RNF212B: variants seen among roughly 807,000 people sequenced by gnomAD.
RNF212B encodes E3 ubiquitin-protein ligase RNF212B.
In RNF212B, 52 loss-of-function variants were observed where a neutral mutation model predicts 55.5. The observed-to-expected ratio is 0.94, with a 90% confidence interval of 0.75 to 1.18. The LOEUF is 1.18. RNF212B is among the 50% of genes most tolerant of loss of function. The pLI is 0.00. For synonymous variants in RNF212B, 99 were observed against 121.4 expected, an observed-to-expected ratio of 0.82 and a Z score of 1.21; for missense variants, 289 against 350.4, an observed-to-expected ratio of 0.82 and a Z score of 1.40.
Position 23,226,399 on chromosome 14 carries a change from G to A in RNF212B, c.-1-13946G>A, listed in dbSNP as rs553222445. The stretch of plus-strand genomic sequence containing the variant: ...TAATCCCAGCACTTTAGGAAGCTGT[G>A]GCGGGCGGATCACCAGGTCAGGAGA... On this transcript the variant is annotated intron_variant, in intron 2 of 15. Coordinates refer to the RNF212B transcript ENST00000399910. Among the ~76,000 whole-genome samples the A allele has an allele frequency of 4.6e-5, 7 of 151,258 alleles. No individual in the cohort carries two copies. The South Asian group carries it at 1.5e-3, about 31-fold the overall frequency.
intron 13 of RNF212B, 99 bp downstream of exon 13, chr14:23,270,059 C>G (rs1885966299): frequency 6.9e-6 from 5 of 729,866 alleles, no homozygotes; most frequent in African/African-American, 1.8e-5. Flanking sequence ...GGTTTGCCCC[C>G]CAAAGAGCAT....
At chr14:23,241,649 C>T (rs1883576167) in intron 2 of RNF212B, among the ~76,000 whole-genome samples, 1 of 151,944 alleles carries the variant, frequency 6.6e-6, no homozygotes, top group Non-Finnish European at 1.5e-5. Flanking sequence ...ATCTCGAACT[C>T]CCGGCCTCAA....
At chr14:23,187,486 C>G (rs913200081) in intron 1 of RNF212B, among the ~76,000 whole-genome samples, 1 of 152,150 alleles carries the variant, frequency 6.6e-6, no homozygotes, top group African/African-American at 2.4e-5. Flanking sequence ...GTAGCTGGGA[C>G]TACAGATGTG....
At chr14:23,194,463 C>T (rs1051106389) in intron 2 of RNF212B, among the ~76,000 whole-genome samples, 5 of 151,998 alleles carry the variant, frequency 3.3e-5, no homozygotes. Flanking sequence ...ATCAGCCAGG[C>T]GCAGTGACAC....
chr14:23,213,108 C>T (rs147815814), intron 2 of RNF212B, among the ~76,000 whole-genome samples: 4 of 151,780 alleles, frequency 2.6e-5, no homozygotes, highest in Admixed American at 1.3e-4. Flanking sequence ...GTCAGGAGAT[C>T]GAGACCATCC....
intron 2 of RNF212B, among the ~76,000 whole-genome samples, chr14:23,200,212 A>G (rs930759807): frequency 2.0e-5 from 3 of 152,130 alleles, no homozygotes; most frequent in Non-Finnish European, 2.9e-5. Flanking sequence ...AGGCTTTTAA[A>G]TGGGCTTTGA....
At chr14:23,217,944 G>T (rs1280585481) in intron 2 of RNF212B, among the ~76,000 whole-genome samples, 1 of 152,084 alleles carries the variant, frequency 6.6e-6, no homozygotes, top group African/African-American at 2.4e-5. Context: ...TTGAGGCAGA[G>T]AATTCAAAAT....
At chr14:23,204,997 A>T (rs28872333) in intron 2 of RNF212B, among the ~76,000 whole-genome samples, 74,181 of 151,876 alleles carry the variant, frequency 0.49, 20,057 homozygotes, top group African/African-American at 0.73. Context: ...AAAAGTTTTA[A>T]CTCAGTTTTT....
chr14:23,190,192 G>C lies in RNF212B; in HGVS notation c.-78-3133G>C, dbSNP rs149874264. On this transcript the variant is annotated intron_variant, in intron 1 of 15. Transcript: ENST00000399910. ...TCTTCTCTATCCTCCCTCTCTAGCT[G>C]TGTGATGTCATCCAGTCCCATGGCT... Among the ~76,000 whole-genome samples the C allele has an allele frequency of 9.9e-4, 150 of 152,074 alleles. 2 individuals are homozygous for C. In the Middle Eastern group the frequency reaches 0.01, roughly 10 times the overall value.
intron 4 of RNF212B, among the ~76,000 whole-genome samples, chr14:23,252,137 G>A (rs538042107): frequency 2.0e-5 from 3 of 152,192 alleles, no homozygotes; most frequent in East Asian, 1.9e-4. Context: ...TCTAAACAGT[G>A]TTTGGTTCCC....
At position 23,269,887 on chromosome 14, in the gene RNF212B, G is replaced by C. The variant is rs537109422; in HGVS notation, c.699G>C (p.Gln233His). The change falls in exon 13 of 15, where the codon CAG becomes CAC. Residue 233 changes from glutamine to histidine, a missense_variant. Gln to His is a conservative substitution (Grantham distance 24). Transcript: ENST00000430154. ...SYRTSSASSGQGIFSFRPSPN... is the reference protein window; with the variant it reads ...SYRTSSASSGHGIFSFRPSPN... ...GAACTTCATCTGCCTCCTCTGGACA[G>C]GGGATTTTTTCTTTCAGACCATCCC... 1.6e-5 allele frequency: 24 copies of C among 1,548,190 alleles called. No homozygotes were observed. In the South Asian group the frequency reaches 2.9e-4, roughly 18 times the overall value.
chr14:23,229,608 G>T (rs1486419669), intron 2 of RNF212B, among the ~76,000 whole-genome samples: 1 of 152,018 alleles, frequency 6.6e-6, no homozygotes, highest in African/African-American at 2.4e-5. Flanking sequence ...TTTCACTGTG[G>T]TTTTAATTTG....
chr14:23,260,810 A>G, intron 7 of RNF212B, 123 bp downstream of exon 7: 1 of 868,574 alleles, frequency 1.2e-6, no homozygotes, highest in Non-Finnish European at 1.8e-6. Flanking sequence ...CACTTCTCCG[A>G]GGAAGAGTTA....
intron 2 of RNF212B, among the ~76,000 whole-genome samples, chr14:23,213,312 TAAA>T (rs10707951): frequency 7.1e-6 from 1 of 140,478 alleles, no homozygotes. Context: ...GACTCCGTCT[TAAA>T]AAAAAAAAAA....
intron 5 of RNF212B, 93 bp from the exon 6 acceptor site, chr14:23,259,787 CAGTA>C (rs998737076): frequency 2.5e-5 from 13 of 525,032 alleles, no homozygotes; most frequent in Non-Finnish European, 3.3e-5. Context: ...AAGCATTTCT[CAGTA>C]AGTATTAACT....
chr14:23,233,412 A>T (rs1446168258), upstream of RNF212B, among the ~76,000 whole-genome samples: 1 of 151,390 alleles, frequency 6.6e-6, no homozygotes, highest in East Asian at 1.9e-4. Flanking sequence ...ATTAAAAAAA[A>T]AAAAAAGAAT....
intron 2 of RNF212B, among the ~76,000 whole-genome samples, chr14:23,197,398 A>T (rs529854269): frequency 1.3e-5 from 2 of 152,248 alleles, no homozygotes; most frequent in African/African-American, 4.8e-5. Context: ...GTGGTGGTAC[A>T]TGCCTGTAGT....
intron 2 of RNF212B, among the ~76,000 whole-genome samples, chr14:23,224,237 A>G (rs1054544773): frequency 1.3e-5 from 2 of 149,756 alleles, no homozygotes; most frequent in Non-Finnish European, 3.0e-5. Flanking sequence ...TAGAATGTCA[A>G]AAAAAAAAAG....
At chr14:23,206,370 G>T (rs779653671) in intron 2 of RNF212B, among the ~76,000 whole-genome samples, 5 of 152,180 alleles carry the variant, frequency 3.3e-5, no homozygotes, top group Non-Finnish European at 7.3e-5. Flanking sequence ...ACCGTGCCCG[G>T]CCTAGTCTTT....
Sources: allele counts gnomAD v4.1 joint callset (sites outside exome capture counted in the v4.1 genomes callset), GRCh38; gene constraint gnomAD v4.1.1; transcripts MANE v1.5; gene names NCBI Gene and HGNC (gene_info 2026-07-23, HGNC 2026-07-21).